The following PRKACB variants were observed in gnomAD, a reference collection of about 807,000 sequenced individuals.
The protein encoded by PRKACB is protein kinase cAMP-activated catalytic subunit beta, also known as cAMP-dependent protein kinase catalytic subunit beta.
PRKACB carries 16 observed loss-of-function variants against 51.4 expected under a neutral mutation model. The observed-to-expected ratio is 0.31, with a 90% CI of 0.21 to 0.47. The LOEUF is 0.47. PRKACB is among the 20% of genes least tolerant of loss of function. PRKACB has a pLI of 1.00. For synonymous variants in PRKACB, 147 were observed against 154.4 expected (o/e 0.95, Z 0.35); for missense variants, 309 against 464.5 (o/e 0.67, Z 3.08).
intron 2 of PRKACB, among the ~76,000 whole-genome samples, chr1:84,180,562 T>G (rs530387371): frequency 6.6e-6 from 1 of 151,692 alleles, no homozygotes; most frequent in African/African-American, 2.4e-5. Flanking sequence ...CCCCAATAAC[T>G]TATGGAAAAT....
intron 1 of PRKACB, among the ~76,000 whole-genome samples, chr1:84,131,387 G>A (rs1484898282): frequency 6.6e-6 from 1 of 150,416 alleles, no homozygotes; most frequent in Non-Finnish European, 1.5e-5. Flanking sequence ...GAAAAATGAA[G>A]TACATATACT....
chr1:84,204,976 A>T (rs566713721), intron 8 of PRKACB: 2 of 981,998 alleles, frequency 2.0e-6, no homozygotes, highest in Non-Finnish European at 2.4e-6. Context: ...TAATCAGCAT[A>T]TATTCTAAAA....
intron 1 of PRKACB, among the ~76,000 whole-genome samples, chr1:84,148,565 G>A (rs1654426081): frequency 6.6e-6 from 1 of 151,922 alleles, no homozygotes; most frequent in South Asian, 2.1e-4. Flanking sequence ...AAACATCACT[G>A]CAGTATTACA....
intron 1 of PRKACB, among the ~76,000 whole-genome samples, chr1:84,119,015 T>TAC (rs1557963420): frequency 5.3e-5 from 8 of 152,172 alleles, no homozygotes; most frequent in African/African-American, 1.9e-4. Flanking sequence ...ACTTCAAAGT[T>TAC]CAAGTGGTGA....
At chr1:84,175,957 C>A in intron 1 of PRKACB, 1 of 590,378 alleles carries the variant, frequency 1.7e-6, no homozygotes, top group Non-Finnish European at 2.6e-6. Flanking sequence ...CAATTATTTA[C>A]CAGTAGAGAA....
In PRKACB at chr1:84,144,761, C is replaced by CT. The variant is rs577374899; in HGVS notation, c.187+214dup. 1.1e-4 allele frequency among the ~76,000 whole-genome samples: 17 copies of CT among 152,160 alleles called. No homozygotes were observed. The East Asian group carries it at 1.7e-3, about 16-fold the overall frequency. Reference sequence around the variant, plus strand: ...CATCATTGTATGGTTTTATTTTTGACTAAGTTCAATATCAGTGACAAGATT... The same window carrying CT: ...CATCATTGTATGGTTTTATTTTTGACTTAAGTTCAATATCAGTGACAAGATT... On this transcript the variant is annotated intron_variant, in intron 1 of 9. Transcript: ENST00000370685.
intron 1 of PRKACB, among the ~76,000 whole-genome samples, chr1:84,093,305 C>G (rs374493119): frequency 1.5e-3 from 224 of 151,394 alleles, no homozygotes; most frequent in African/African-American, 5.2e-3. Flanking sequence ...GTATGCGCTT[C>G]TGTGTGTGTG....
At chr1:84,140,931 C>G (rs1407859229), upstream of PRKACB, among the ~76,000 whole-genome samples, 1 of 152,004 alleles carries the variant, frequency 6.6e-6, no homozygotes, top group Non-Finnish European at 1.5e-5. Flanking sequence ...GTGCTGCTTA[C>G]TTTATTTGTA....
intron 9 of PRKACB, among the ~76,000 whole-genome samples, chr1:84,231,598 A>C (rs934143313): frequency 6.6e-6 from 1 of 152,106 alleles, no homozygotes; most frequent in Non-Finnish European, 1.5e-5. Flanking sequence ...ACAATTTCAG[A>C]TCCTGTTATT....
intron 1 of PRKACB, among the ~76,000 whole-genome samples, chr1:84,177,656 T>C (rs1261697444): frequency 1.3e-5 from 2 of 151,940 alleles, no homozygotes; most frequent in Non-Finnish European, 2.9e-5. Context: ...GCAGACGGAT[T>C]GCTTGAGCCT....
At chr1:84,084,479 T>C (rs1405152448) in intron 1 of PRKACB, among the ~76,000 whole-genome samples, 1 of 152,006 alleles carries the variant, frequency 6.6e-6, no homozygotes, top group Admixed American at 6.6e-5. Context: ...TTAAAAGAGG[T>C]TACTTTGGTG....
At chr1:84,115,368 G>A (rs1650547372) in intron 1 of PRKACB, among the ~76,000 whole-genome samples, 1 of 151,832 alleles carries the variant, frequency 6.6e-6, no homozygotes, top group African/African-American at 2.4e-5. Flanking sequence ...GCTTTTTAAT[G>A]GGATTATGTT....
chr1:84,095,490 G>T (rs1648859588), intron 1 of PRKACB, among the ~76,000 whole-genome samples: 2 of 151,662 alleles, frequency 1.3e-5, no homozygotes, highest in Non-Finnish European at 2.9e-5. Flanking sequence ...CCATTGTTTT[G>T]TTGAGAAATC....
intron 1 of PRKACB, among the ~76,000 whole-genome samples, chr1:84,090,610 C>A (rs958477742): frequency 6.6e-6 from 1 of 152,104 alleles, no homozygotes; most frequent in Non-Finnish European, 1.5e-5. Flanking sequence ...TTGAACCTTA[C>A]CTGGGACTGT....
At chr1:84,201,574 A>G (rs115461395) in intron 7 of PRKACB, among the ~76,000 whole-genome samples, 1,539 of 152,268 alleles carry the variant, frequency 0.01, 12 homozygotes, top group Non-Finnish European at 0.017. Flanking sequence ...AAAAAGATAT[A>G]CACAGTATCA....
chr1:84,227,135 G>C (rs1486593180), intron 9 of PRKACB, among the ~76,000 whole-genome samples: 1 of 152,018 alleles, frequency 6.6e-6, no homozygotes, highest in African/African-American at 2.4e-5. Context: ...TTTTTTTGAA[G>C]TTGGGATTAT....
At chr1:84,120,687 TTC>T (rs572840049) in intron 1 of PRKACB, among the ~76,000 whole-genome samples, 1 of 152,078 alleles carries the variant, frequency 6.6e-6, no homozygotes, top group South Asian at 2.1e-4. Flanking sequence ...TCAAAAATAG[TTC>T]TCTCTTAATA....
At chr1:84,090,380 T>C (rs1406700967) in intron 1 of PRKACB, among the ~76,000 whole-genome samples, 1 of 152,208 alleles carries the variant, frequency 6.6e-6, no homozygotes, top group Admixed American at 6.5e-5. Flanking sequence ...TATCTATTGT[T>C]CCATCATGCA....
At chr1:84,095,473 T>C (rs946065813) in intron 1 of PRKACB, among the ~76,000 whole-genome samples, 1 of 152,048 alleles carries the variant, frequency 6.6e-6, no homozygotes, top group Non-Finnish European at 1.5e-5. Flanking sequence ...TCATCATGTT[T>C]TGTTTTCCAT....
Sources: gnomAD v4.1 joint callset for allele counts (sites outside exome capture counted in the v4.1 genomes callset) on GRCh38, gnomAD v4.1.1 for gene constraint, MANE v1.5 for transcripts, NCBI Gene and HGNC (gene_info 2026-07-23, HGNC 2026-07-21) for gene names.